The following CACNG3 variants were observed in gnomAD, a reference collection of about 807,000 sequenced individuals.
CACNG3 encodes calcium voltage-gated channel auxiliary subunit gamma 3, also known as voltage-dependent calcium channel gamma-3 subunit.
A neutral mutation model predicts 28.5 loss-of-function variants in CACNG3; 3 were observed. The ratio of observed to expected loss-of-function variants is 0.11; its 90% CI spans 0.05 to 0.27. The LOEUF (loss-of-function observed/expected upper bound fraction) is 0.27. Among genes scored for constraint, CACNG3 ranks in the 10% least tolerant of loss-of-function variants. The pLI, the probability that CACNG3 is intolerant of heterozygous loss-of-function variation, is 1.00. For missense variants in CACNG3, 236 were observed against 414.4 expected (o/e 0.57, Z 3.74); for synonymous variants, 174 against 162.2 (o/e 1.07, Z -0.55).
intron 1 of CACNG3, among the ~76,000 whole-genome samples, chr16:24,317,791 G>A (rs946071059): frequency 2.6e-5 from 4 of 152,108 alleles, no homozygotes; most frequent in Non-Finnish European, 5.9e-5. Flanking sequence ...CTTGAGTTAT[G>A]GCCCAGGAAT....
intron 1 of CACNG3, among the ~76,000 whole-genome samples, chr16:24,328,163 A>G (rs1899583049): frequency 6.6e-6 from 1 of 152,060 alleles, no homozygotes; most frequent in Admixed American, 6.6e-5. Flanking sequence ...CTGAAAGAGA[A>G]GCACAGGGTG....
At chr16:24,323,200 T>G (rs1289334534) in intron 1 of CACNG3, among the ~76,000 whole-genome samples, 2 of 118,056 alleles carry the variant, frequency 1.7e-5, no homozygotes, top group Non-Finnish European at 1.6e-5. Flanking sequence ...ACATTCAGCC[T>G]GGGCCACAGA....
chr16:24,343,736 C>T (rs756880380), intron 1 of CACNG3, among the ~76,000 whole-genome samples: 3 of 152,160 alleles, frequency 2.0e-5, no homozygotes, highest in South Asian at 2.1e-4. Flanking sequence ...TTGAGTAAAT[C>T]GGTGACTTGG....
intron 1 of CACNG3, among the ~76,000 whole-genome samples, chr16:24,277,378 T>C (rs1165192226): frequency 6.6e-6 from 1 of 152,138 alleles, no homozygotes; most frequent in Admixed American, 6.5e-5. Flanking sequence ...GCAGGTGATA[T>C]CAGGGACGCC....
In CACNG3 at chr16:24,361,608, C is replaced by T; in HGVS notation, c.693C>T (p.Phe231=). The change falls in exon 4 of 4, where the codon TTC becomes TTT. Residue 231 remains phenylalanine (F), a synonymous_variant. Coordinates refer to ENST00000005284, the MANE Select transcript of CACNG3 (RefSeq NM_006539.4). The surrounding 1 kb of genome is among the most constrained non-coding windows in gnomAD (Gnocchi z 6.8). ...FARLPPYRYR[F]RRRSSSRSTE... ...GCCTCCCACCCTACAGGTATCGATT[C>T]CGGAGGCGGTCAAGTTCTCGCTCCA... The T allele has an allele frequency of 6.2e-7, 1 of 1,613,668 alleles. No homozygotes were observed. The highest frequency in any genetic ancestry group is 8.5e-7 in the Non-Finnish European group (1 of 1,179,798).
At chr16:24,340,575 A>G (rs1899771824) in intron 1 of CACNG3, among the ~76,000 whole-genome samples, 1 of 152,198 alleles carries the variant, frequency 6.6e-6, no homozygotes, top group Non-Finnish European at 1.5e-5. Flanking sequence ...AAAGAAAAAA[A>G]GAGTATCCGC....
At chr16:24,288,299 C>G (rs1898921002) in intron 1 of CACNG3, among the ~76,000 whole-genome samples, 1 of 152,174 alleles carries the variant, frequency 6.6e-6, no homozygotes, top group Non-Finnish European at 1.5e-5. Context: ...TTCACATGCA[C>G]TCTCTCATTT....
At chr16:24,335,335 G>C (rs976504187) in intron 1 of CACNG3, among the ~76,000 whole-genome samples, 1 of 152,120 alleles carries the variant, frequency 6.6e-6, no homozygotes, top group Admixed American at 6.6e-5. Flanking sequence ...CATGAGAATC[G>C]CTTGAACCTG....
At chr16:24,358,869 C>T (rs188429187) in intron 3 of CACNG3, among the ~76,000 whole-genome samples, 1 of 152,266 alleles carries the variant, frequency 6.6e-6, no homozygotes, top group Admixed American at 6.5e-5. Context: ...GTCTGTTTCC[C>T]CATCTGTAAA....
intron 1 of CACNG3, among the ~76,000 whole-genome samples, chr16:24,270,096 T>C (rs575697415): frequency 6.6e-6 from 1 of 152,332 alleles, no homozygotes; most frequent in Admixed American, 6.5e-5. Flanking sequence ...CACCACTCTG[T>C]ATTGTGTACC....
intron 1 of CACNG3, among the ~76,000 whole-genome samples, chr16:24,302,958 C>A (rs1567213838): frequency 6.6e-6 from 1 of 151,590 alleles, no homozygotes; most frequent in South Asian, 2.1e-4. Context: ...CTGAACCTGA[C>A]CTAATTTTTT....
intron 2 of CACNG3, among the ~76,000 whole-genome samples, chr16:24,351,790 CA>C (rs1385770009): frequency 6.8e-6 from 1 of 146,442 alleles, no homozygotes; most frequent in Non-Finnish European, 1.5e-5. Context: ...TGGGCAGTTT[CA>C]AAACCAAAGC....
At chr16:24,300,664 C>T (rs748591572) in intron 1 of CACNG3, among the ~76,000 whole-genome samples, 6 of 151,544 alleles carry the variant, frequency 4.0e-5, no homozygotes, top group South Asian at 2.1e-4. Flanking sequence ...GGCTCATGCC[C>T]GTAATCCCAG....
At chr16:24,267,233 T>C (rs1898623837) in intron 1 of CACNG3, among the ~76,000 whole-genome samples, 1 of 152,194 alleles carries the variant, frequency 6.6e-6, no homozygotes, top group Non-Finnish European at 1.5e-5. Context: ...CTCAAAGTGC[T>C]GGGATTACAG....
intron 1 of CACNG3, among the ~76,000 whole-genome samples, chr16:24,281,447 T>C (rs1898826343): frequency 6.6e-6 from 1 of 151,918 alleles, no homozygotes; most frequent in Non-Finnish European, 1.5e-5. Context: ...GCTCAATTGA[T>C]CCTCCCCCTA....
chr16:24,340,893 C>G (rs1357490391), intron 1 of CACNG3, among the ~76,000 whole-genome samples: 3 of 152,218 alleles, frequency 2.0e-5, no homozygotes, highest in Non-Finnish European at 2.9e-5. Flanking sequence ...ATCCGTCACC[C>G]AGACCAAACG....
chr16:24,262,329 G>A (rs1460845073), intron 1 of CACNG3, among the ~76,000 whole-genome samples: 2 of 152,226 alleles, frequency 1.3e-5, no homozygotes, highest in Non-Finnish European at 2.9e-5. Context: ...CTTAAGGCAG[G>A]ATGGGAGGGA....
At chr16:24,335,344 T>C (rs1326965294) in intron 1 of CACNG3, among the ~76,000 whole-genome samples, 1 of 152,126 alleles carries the variant, frequency 6.6e-6, no homozygotes, top group African/African-American at 2.4e-5. Context: ...CGCTTGAACC[T>C]GGGAGGCAGA....
rs562575049 is a variant in CACNG3 at position 24,297,275 on chromosome 16, A to AAAAT, written c.211+40334_211+40337dup. ...AAAATAAAATAAAATAAAATAAAAT[A>AAAAT]AAATAAATAAATAAATAAATAAATA... On this transcript the variant is annotated intron_variant, in intron 1 of 3. Coordinates refer to ENST00000005284, the MANE Select transcript of CACNG3 (RefSeq NM_006539.4). 5.2e-3 allele frequency among the ~76,000 whole-genome samples: 663 copies of AAAAT among 126,552 alleles called. 1 individual carries two copies. The highest frequency in any genetic ancestry group is 0.012 in the African/African-American group (300 of 24,936). 83.0% of individuals were successfully genotyped at this position (126,552 alleles called of 152,430 possible). A position where few individuals can be genotyped will look rare whatever the true frequency, so the allele number is the denominator to read the frequency against.
Sources: allele counts gnomAD v4.1 joint callset (sites outside exome capture counted in the v4.1 genomes callset), GRCh38; gene constraint gnomAD v4.1.1; non-coding constraint Gnocchi (gnomAD v3.1); transcripts MANE v1.5; gene names NCBI Gene and HGNC (gene_info 2026-07-23, HGNC 2026-07-21).